Variants in HSD17B12 observed in about 807,000 individuals in gnomAD.
HSD17B12 encodes the protein hydroxysteroid 17-beta dehydrogenase 12.
Under a neutral mutation model 39.3 loss-of-function variants are expected in HSD17B12, and 32 were observed. That is an observed-to-expected ratio of 0.81 (90% confidence interval 0.61 to 1.09). The LOEUF is 1.09. Among genes scored for constraint, HSD17B12 ranks in the 50% least tolerant of loss-of-function variants. HSD17B12 has a pLI of 0.00. For missense variants in HSD17B12, 342 were observed against 382.9 expected (o/e 0.89, Z 0.89); for synonymous variants, 150 against 146.7 (o/e 1.02, Z -0.16).
the HSD17B12 span, among the ~76,000 whole-genome samples, chr11:43,674,301 C>T: frequency 6.6e-6 from 1 of 152,060 alleles, no homozygotes; most frequent in Non-Finnish European, 1.5e-5. Flanking sequence ...TACTGTGGTT[C>T]GTAAAATTTA....
At chr11:43,637,243 C>T in the HSD17B12 span, among the ~76,000 whole-genome samples, 8 of 101,354 alleles carry the variant, frequency 7.9e-5, no homozygotes, top group Admixed American at 1.5e-4. Context: ...TTTTTTGAGA[C>T]GGAGTCTTCC....
At chr11:43,738,106 G>GCATGTTTGGTAAAGCATGTTTTGGTAAAA (rs1165999828) in intron 1 of HSD17B12, among the ~76,000 whole-genome samples, 2 of 150,228 alleles carry the variant, frequency 1.3e-5, no homozygotes, top group South Asian at 2.1e-4. Flanking sequence ...TGGTAATTTA[G>GCATGTTTGGTAAAGCATGTTTTGGTAAAA]CATGTTTGGT....
intron 1 of HSD17B12, among the ~76,000 whole-genome samples, chr11:43,721,078 A>T (rs935087336): frequency 2.0e-5 from 3 of 151,716 alleles, no homozygotes; most frequent in African/African-American, 7.3e-5. Flanking sequence ...AGTTTTTTTT[A>T]AGGGAATATG....
At chr11:43,833,186 T>C (rs1396047098) in intron 7 of HSD17B12, 1 of 152,212 alleles carries the variant, frequency 6.6e-6, no homozygotes, top group East Asian at 1.9e-4. Context: ...GTGGATGTTA[T>C]GAATCAATAC....
chr11:43,791,119 A>T (rs1466268291), intron 3 of HSD17B12, among the ~76,000 whole-genome samples: 1 of 152,238 alleles, frequency 6.6e-6, no homozygotes, highest in African/African-American at 2.4e-5. Flanking sequence ...TAGGCCAGCA[A>T]CCAGTTGAGT....
At chr11:43,811,266 C>T (rs757179940) in intron 4 of HSD17B12, among the ~76,000 whole-genome samples, 21 of 152,272 alleles carry the variant, frequency 1.4e-4, no homozygotes, top group Middle Eastern at 3.4e-3. Flanking sequence ...TTTCTCTATA[C>T]TCCTAAATAA....
the HSD17B12 span, among the ~76,000 whole-genome samples, chr11:43,587,692 A>G: frequency 6.6e-6 from 1 of 152,378 alleles, no homozygotes; most frequent in South Asian, 2.1e-4. Context: ...CTGGTCCTGC[A>G]GAATTTCAAA....
At chr11:43,698,774 A>G (rs913088971) in intron 1 of HSD17B12, among the ~76,000 whole-genome samples, 1 of 152,224 alleles carries the variant, frequency 6.6e-6, no homozygotes, top group Non-Finnish European at 1.5e-5. Flanking sequence ...TCACCTTTCA[A>G]TTAGAAACCT....
chr11:43,772,641 A>G (rs1273928386), intron 3 of HSD17B12, among the ~76,000 whole-genome samples: 1 of 152,236 alleles, frequency 6.6e-6, no homozygotes, highest in African/African-American at 2.4e-5. Context: ...TTAAAAAGCA[A>G]GTAAAATGCC....
chr11:43,830,530 T>G (rs1255502395), intron 6 of HSD17B12: 1 of 152,548 alleles, frequency 6.6e-6, no homozygotes, highest in Non-Finnish European at 1.5e-5. Flanking sequence ...CCTACCACTT[T>G]ATCGTATTCT....
chr11:43,585,993 C>A, the HSD17B12 span, among the ~76,000 whole-genome samples: 1 of 152,158 alleles, frequency 6.6e-6, no homozygotes, highest in Admixed American at 6.5e-5. Flanking sequence ...CAGAGAGAGA[C>A]CAATCTCTTC....
intron 1 of HSD17B12, among the ~76,000 whole-genome samples, chr11:43,716,509 G>A (rs953896391): frequency 5.3e-5 from 8 of 151,780 alleles, no homozygotes; most frequent in African/African-American, 1.2e-4. Flanking sequence ...CCATTCTACC[G>A]ACAAGAGAAC....
the HSD17B12 span, among the ~76,000 whole-genome samples, chr11:43,638,609 T>C: frequency 6.6e-6 from 1 of 152,210 alleles, no homozygotes; most frequent in Non-Finnish European, 1.5e-5. Flanking sequence ...CTTGGCAGCA[T>C]TGATGGTTCC....
the HSD17B12 span, among the ~76,000 whole-genome samples, chr11:43,590,090 A>C: frequency 6.6e-6 from 1 of 152,140 alleles, no homozygotes; most frequent in African/African-American, 2.4e-5. Context: ...TTGCTGGAGG[A>C]GTTGAACCTT....
At chr11:43,662,383 G>GTGTT in the HSD17B12 span, among the ~76,000 whole-genome samples, 1 of 136,776 alleles carries the variant, frequency 7.3e-6, no homozygotes, top group African/African-American at 2.6e-5. Flanking sequence ...TTATTTGTGT[G>GTGTT]TGTGTGTGTG....
At chr11:43,788,443 A>G (rs954201391) in intron 3 of HSD17B12, among the ~76,000 whole-genome samples, 1 of 152,182 alleles carries the variant, frequency 6.6e-6, no homozygotes, top group African/African-American at 2.4e-5. Context: ...TACATTTTAT[A>G]ACCCTTGTGT....
chr11:43,737,426 T>C (rs1950326723), intron 1 of HSD17B12, among the ~76,000 whole-genome samples: 2 of 152,242 alleles, frequency 1.3e-5, no homozygotes, highest in African/African-American at 4.8e-5. Flanking sequence ...TTTTATATAA[T>C]CTGTAGCAAG....
chr11:43,780,054 A>G (rs1950749226), intron 3 of HSD17B12, among the ~76,000 whole-genome samples: 1 of 152,188 alleles, frequency 6.6e-6, no homozygotes, highest in African/African-American at 2.4e-5. Flanking sequence ...TGGTAGCAGG[A>G]TGCAGATGAT....
intron 9 of HSD17B12, among the ~76,000 whole-genome samples, chr11:43,848,734 G>C (rs1331629842): frequency 1.3e-5 from 2 of 152,198 alleles, no homozygotes; most frequent in East Asian, 3.9e-4. Flanking sequence ...GCTGGAATTT[G>C]AATCCAAGTT....
Sources: allele counts gnomAD v4.1 joint callset (sites outside exome capture counted in the v4.1 genomes callset), GRCh38; gene constraint gnomAD v4.1.1; transcripts MANE v1.5; gene names NCBI Gene and HGNC (gene_info 2026-07-23, HGNC 2026-07-21).